The following SSBP3 variants were observed in gnomAD, a reference collection of about 807,000 sequenced individuals.
The protein encoded by SSBP3 is single stranded DNA binding protein 3.
Under a neutral mutation model 69.6 loss-of-function variants are expected in SSBP3, and 5 were observed. The observed-to-expected ratio is 0.07, with a 90% confidence interval of 0.04 to 0.15. The LOEUF is 0.15. Among genes scored for constraint, SSBP3 ranks in the 10% least tolerant of loss-of-function variants. The probability of loss-of-function intolerance (pLI) is 1.00; values close to 1 mark genes in which losing one functional copy is unlikely to be tolerated. For missense variants in SSBP3, 312 were observed against 534.0 expected (o/e 0.58, Z 4.10); for synonymous variants, 196 against 193.4 (o/e 1.01, Z -0.11).
rs572791855 is a variant in SSBP3 at position 54,364,001 on chromosome 1, T to C, written c.276+37860A>G. ...GAGGGTTCAGGTGTTGGTCCCTAAT[T>C]CAAAGAAGAACTTCTTCCTTTACAG... On this transcript the variant is annotated intron_variant, in intron 4 of 17. Transcript: ENST00000610401. Among the ~76,000 whole-genome samples the C allele has an allele frequency of 1.1e-4, 16 of 151,614 alleles. No individual in the cohort carries two copies. The South Asian group carries it at 3.1e-3, about 30-fold the overall frequency.
At chr1:54,303,301 T>G (rs1183547415) in intron 4 of SSBP3, among the ~76,000 whole-genome samples, 1 of 152,002 alleles carries the variant, frequency 6.6e-6, no homozygotes, top group African/African-American at 2.4e-5. Context: ...CTGTGCTAGA[T>G]GATCCCTTTT....
chr1:54,328,922 A>C (rs753391641), intron 4 of SSBP3, among the ~76,000 whole-genome samples: 2 of 152,214 alleles, frequency 1.3e-5, no homozygotes, highest in Non-Finnish European at 2.9e-5. Context: ...TTGCCTGTCC[A>C]GGAGGGCAGG....
intron 4 of SSBP3, among the ~76,000 whole-genome samples, chr1:54,375,905 A>G (rs72665954): frequency 0.1 from 15,155 of 151,920 alleles, 994 homozygotes; most frequent in East Asian, 0.27. Flanking sequence ...GGGGGCCACA[A>G]GGTGGTGCTG....
rs80222084 is a variant in SSBP3, at chr1:54,298,084, G to A, written c.277-16557C>T. On this transcript the variant is annotated intron_variant, in intron 4 of 17. Coordinates refer to ENST00000610401, the Ensembl canonical transcript of SSBP3. ...CCTAGGAGGCCTGCAGGAAGCCTCCGGGTGCAGGTCAGGGCTTCAACAGCT... is the reference window on the plus strand; with the variant it reads ...CCTAGGAGGCCTGCAGGAAGCCTCCAGGTGCAGGTCAGGGCTTCAACAGCT... 1.2e-4 allele frequency among the ~76,000 whole-genome samples: 18 copies of A among 152,240 alleles called. No individual in the cohort carries two copies. In the South Asian group the frequency reaches 2.9e-3, roughly 25 times the overall value.
At chr1:54,304,147 T>A (rs1216922714) in intron 4 of SSBP3, among the ~76,000 whole-genome samples, 1 of 151,858 alleles carries the variant, frequency 6.6e-6, no homozygotes, top group Non-Finnish European at 1.5e-5. Flanking sequence ...CCATGACGAG[T>A]TCTGAACACA....
chr1:54,411,784 C>G (rs1214328475), intron 1 of SSBP3, among the ~76,000 whole-genome samples: 1 of 150,912 alleles, frequency 6.6e-6, no homozygotes, highest in East Asian at 2.0e-4. Flanking sequence ...CCCAGCTACT[C>G]AGGAGGCTGA....
At chr1:54,284,489 T>A (rs910929001) in intron 4 of SSBP3, among the ~76,000 whole-genome samples, 17 of 151,988 alleles carry the variant, frequency 1.1e-4, no homozygotes, top group African/African-American at 3.6e-4. Flanking sequence ...TTATTATTAT[T>A]ATAATTAGAG....
At chr1:54,259,401 A>G (rs1644978779) in intron 5 of SSBP3, among the ~76,000 whole-genome samples, 1 of 151,664 alleles carries the variant, frequency 6.6e-6, no homozygotes, top group South Asian at 2.1e-4. Flanking sequence ...CCACCAAAGG[A>G]CTCTCCTACC....
chr1:54,345,490 G>T (rs182959112), intron 4 of SSBP3, among the ~76,000 whole-genome samples: 46 of 152,278 alleles, frequency 3.0e-4, no homozygotes, highest in African/African-American at 1.0e-3. Context: ...AGAGAAGGAA[G>T]AGTAATCTCA....
At chr1:54,228,326 T>C in exon 17 of SSBP3, 1 of 1,614,054 alleles carries the variant, frequency 6.2e-7, no homozygotes, top group Non-Finnish European at 8.5e-7. Context: ...CCTGGAGGAT[T>C]GCTAATGCCA....
intron 4 of SSBP3, among the ~76,000 whole-genome samples, chr1:54,377,813 A>G (rs959483504): frequency 5.3e-5 from 8 of 152,232 alleles, no homozygotes; most frequent in East Asian, 1.9e-4. Flanking sequence ...TAAGACACTG[A>G]TAACAAAAAC....
chr1:54,401,533 A>G (rs1284665832), intron 4 of SSBP3, among the ~76,000 whole-genome samples: 1 of 152,214 alleles, frequency 6.6e-6, no homozygotes, highest in Non-Finnish European at 1.5e-5. Context: ...AACCAACACT[A>G]AAGAGGCTTA....
At chr1:54,251,642 T>C (rs1237010951) in exon 9 of SSBP3, 2 of 1,551,956 alleles carry the variant, frequency 1.3e-6, no homozygotes, top group Non-Finnish European at 1.7e-6. Flanking sequence ...ATGGGCCCCA[T>C]GCCTCGGGGA....
In SSBP3 at chr1:54,289,047, A is replaced by AAACAAAAAAAAAAC. The variant is rs1645554947; in HGVS notation, c.277-7521_277-7520insGTTTTTTTTTTGTT. 2.6e-5 allele frequency among the ~76,000 whole-genome samples: 3 copies of AAACAAAAAAAAAAC among 116,768 alleles called. No homozygotes were observed. The South Asian group carries it at 8.0e-4, about 31-fold the overall frequency. 76.6% of individuals were successfully genotyped at this position (116,768 alleles called of 152,430 possible). ...AAAAAAAAAAAAAAACAAAAAAACAAAAAAAAAAAACAGTAATGTCCCACT... is the reference window on the plus strand; with the variant it reads ...AAAAAAAAAAAAAAACAAAAAAACAAAACAAAAAAAAAACAAAAAAAAAACAGTAATGTCCCACT... On this transcript the variant is annotated intron_variant, in intron 4 of 17. Transcript: ENST00000610401.
Position 54,235,273 on chromosome 1 carries a change from G to GTT in SSBP3, c.927+3854_927+3855dup, listed in dbSNP as rs200538399. On this transcript the variant is annotated intron_variant, in intron 14 of 17. Coordinates refer to ENST00000610401, the Ensembl canonical transcript of SSBP3. ...GGGCTATCCCTGTCTAAGATGTCCAGTTTTTTTTTTTTTTTTTTTTTTTTT... is the reference window on the plus strand; with the variant it reads ...GGGCTATCCCTGTCTAAGATGTCCAGTTTTTTTTTTTTTTTTTTTTTTTTTTT... Among the ~76,000 whole-genome samples the GTT allele has an allele frequency of 1.3e-3, 144 of 112,030 alleles. 6 individuals are homozygous for GTT. Among genetic ancestry groups the GTT allele is most frequent in the African/African-American group, 2.1e-3 (62 of 28,864 alleles). The allele number at this position is 112,030 out of a possible 152,430, so 73.5% of individuals were successfully genotyped here.
intron 4 of SSBP3, among the ~76,000 whole-genome samples, chr1:54,381,380 C>T (rs1319910268): frequency 5.4e-5 from 3 of 55,518 alleles, no homozygotes; most frequent in Non-Finnish European, 8.9e-5. Flanking sequence ...GATACACCAT[C>T]TCAAAAAAAA....
At chr1:54,313,702 C>CA (rs11414384) in intron 4 of SSBP3, among the ~76,000 whole-genome samples, 17,893 of 151,962 alleles carry the variant, frequency 0.12, 1,083 homozygotes, top group East Asian at 0.18. Flanking sequence ...AGATGCTACT[C>CA]AGAGTCAAGA....
At chr1:54,400,164 A>G (rs146082577) in intron 4 of SSBP3, among the ~76,000 whole-genome samples, 2,079 of 152,298 alleles carry the variant, frequency 0.014, 13 homozygotes, top group Non-Finnish European at 0.023. Context: ...AGACGACACC[A>G]CAAGTTGCCA....
intron 7 of SSBP3, among the ~76,000 whole-genome samples, chr1:54,254,745 G>A (rs1644889225): frequency 6.6e-6 from 1 of 152,226 alleles, no homozygotes. Flanking sequence ...GTCAATACCT[G>A]TGGAAGGGGC....
Sources: gnomAD v4.1 joint callset for allele counts (sites outside exome capture counted in the v4.1 genomes callset) on GRCh38, gnomAD v4.1.1 for gene constraint, MANE v1.5 for transcripts, NCBI Gene and HGNC (gene_info 2026-07-23, HGNC 2026-07-21) for gene names.